C2CD3: variants seen among roughly 807,000 people sequenced by gnomAD.
The protein encoded by C2CD3 is C2 domain-containing protein 3.
In C2CD3, 148 loss-of-function variants were observed where a neutral mutation model predicts 234.0. The ratio of observed to expected loss-of-function variants is 0.63; its 90% confidence interval spans 0.55 to 0.72. The LOEUF is 0.72. Ranked by LOEUF, C2CD3 falls within the 30% of genes least tolerant of loss-of-function variation. C2CD3 has a pLI of 0.00. For synonymous variants in C2CD3, 1,000 were observed against 1,035.4 expected, an observed-to-expected ratio of 0.97 and a Z score of 0.66; for missense variants, 2,577 against 2,811.5, an observed-to-expected ratio of 0.92 and a Z score of 1.89.
At chr11:74,117,171 A>AAT (rs1156711287) in intron 9 of C2CD3, among the ~76,000 whole-genome samples, 2 of 24,338 alleles carry the variant, frequency 8.2e-5, no homozygotes, top group Non-Finnish European at 1.5e-4. Flanking sequence ...TATATATATG[A>AAT]ATATATATAT....
chr11:74,139,841 G>C lies in C2CD3; in HGVS notation c.484-13C>G. 1 of 1,523,230 alleles carries C rather than the reference G, an allele frequency of 6.6e-7. No homozygotes were observed. The highest frequency in any genetic ancestry group is 9.1e-7 in the Non-Finnish European group (1 of 1,097,634). The allele number at this position is 1,523,230 out of a possible 1,614,324, so 94.4% of individuals were successfully genotyped here. A position where few individuals can be genotyped will look rare whatever the true frequency, so the allele number is the denominator to read the frequency against. ...GGGCAAGTGAGACCTAAGAGAGACA[G>C]GTAGTATATGAGAAATTTTCTTTAG... On this transcript the variant is annotated splice_polypyrimidine_tract_variant and intron_variant, in intron 3 of 32. Coordinates refer to ENST00000334126, the MANE Select transcript of C2CD3 (RefSeq NM_001286577.2).
intron 3 of C2CD3, among the ~76,000 whole-genome samples, chr11:74,147,576 T>C (rs1300645268): frequency 6.6e-6 from 1 of 152,250 alleles, no homozygotes; most frequent in African/African-American, 2.4e-5. Flanking sequence ...TCCTGGTTTA[T>C]GTTGTCCAAG....
In C2CD3 at chr11:74,097,996, T is replaced by C. The variant is rs375213700; in HGVS notation, c.2979+13A>G. On this transcript the variant is annotated intron_variant, in intron 16 of 32. Transcript: ENST00000334126. ...TGAAATAATGACTTTTTGTAAACCA[T>C]AGCGTTTATTACCATAGCAACAGAT... 485 of 1,610,740 alleles carry C rather than the reference T, an allele frequency of 3.0e-4. No individual in the cohort carries two copies. The highest frequency in any genetic ancestry group is 3.8e-4 in the Non-Finnish European group (449 of 1,178,646).
chr11:74,014,693 C>G (rs985252082), intron 32 of C2CD3, among the ~76,000 whole-genome samples: 1 of 152,194 alleles, frequency 6.6e-6, no homozygotes, highest in African/African-American at 2.4e-5. Flanking sequence ...GAGTTAAGCC[C>G]TGGAGGCAGA....
intron 11 of C2CD3, among the ~76,000 whole-genome samples, chr11:74,111,981 C>T (rs61901234): frequency 1.3e-5 from 2 of 149,612 alleles, no homozygotes; most frequent in African/African-American, 4.9e-5. Context: ...TATATATATA[C>T]ACACACACAT....
At chr11:74,119,944 T>C (rs1007221804) in intron 8 of C2CD3, among the ~76,000 whole-genome samples, 5 of 152,124 alleles carry the variant, frequency 3.3e-5, no homozygotes, top group Admixed American at 3.3e-4. Flanking sequence ...ACAATACAAC[T>C]TTTAAAAGGC....
At chr11:74,100,404 C>CT in intron 15 of C2CD3, 121 bp downstream of exon 15, 1 of 891,646 alleles carries the variant, frequency 1.1e-6, no homozygotes, top group Non-Finnish European at 1.7e-6. Flanking sequence ...TCTGTTGAAA[C>CT]TGGAAAAAGT....
rs200638603 is a variant in C2CD3 at position 74,092,554 on chromosome 11, C to T, written c.3379G>A (p.Ala1127Thr). Residue 1127 changes from alanine to threonine, a missense_variant, in exon 19 of 33, where the codon GCC (alanine) becomes ACC (threonine). Coordinates refer to ENST00000334126, the MANE Select transcript of C2CD3 (RefSeq NM_001286577.2). Reference sequence around the variant, plus strand: ...CTTGATAATGGCAAGGTTCCTTTGGCGACCTTCTGGTCTCTCACATTAGGA... The same window carrying T: ...CTTGATAATGGCAAGGTTCCTTTGGTGACCTTCTGGTCTCTCACATTAGGA... ...YYPNVRDQKVAKGTLPLSRIC... is the reference protein window; with the variant it reads ...YYPNVRDQKVTKGTLPLSRIC... 1.7e-5 allele frequency: 28 copies of T among 1,613,748 alleles called. No individual in the cohort carries two copies. In the South Asian group the frequency reaches 2.5e-4, roughly 15 times the overall value.
chr11:74,062,203 T>C (rs546223779), intron 24 of C2CD3, among the ~76,000 whole-genome samples: 3 of 152,234 alleles, frequency 2.0e-5, no homozygotes, highest in Admixed American at 1.3e-4. Flanking sequence ...CTGTCAACAT[T>C]AGACAGATCA....
At chr11:74,103,777 A>C (rs1204308943) in intron 13 of C2CD3, 152 bp from the exon 14 acceptor site, 8 of 649,918 alleles carry the variant, frequency 1.2e-5, no homozygotes, top group Non-Finnish European at 2.1e-5. Context: ...ATGCATATAC[A>C]TTAACTTGCT....
chr11:74,137,687 C>T (rs912912982), intron 5 of C2CD3, among the ~76,000 whole-genome samples: 4 of 151,694 alleles, frequency 2.6e-5, no homozygotes, highest in Non-Finnish European at 4.4e-5. Context: ...TGAGTTCAAG[C>T]GATTCTCCTG....
chr11:74,105,884 C>T (rs967453872), intron 13 of C2CD3, among the ~76,000 whole-genome samples: 4 of 152,194 alleles, frequency 2.6e-5, no homozygotes, highest in African/African-American at 9.7e-5. Context: ...CATGCTTCAA[C>T]ATTCTTTCCT....
chr11:74,155,946 G>A (rs1855984224), intron 3 of C2CD3, among the ~76,000 whole-genome samples: 1 of 151,840 alleles, frequency 6.6e-6, no homozygotes, highest in South Asian at 2.1e-4. Context: ...TTCCAGACCA[G>A]CCTGGACAAC....
chr11:74,055,501 C>T (rs1193158404), intron 25 of C2CD3, among the ~76,000 whole-genome samples: 15 of 152,198 alleles, frequency 9.9e-5, no homozygotes, highest in Non-Finnish European at 1.5e-4. Context: ...TCCCCAAACA[C>T]CCCTGGGGAA....
In C2CD3 at chr11:74,027,015, GGTAA is replaced by G. The variant is rs1310072635; in HGVS notation, c.6921+1268_6921+1271del. 2.7e-4 allele frequency among the ~76,000 whole-genome samples: 41 copies of G among 151,762 alleles called. 1 individual carries two copies. Among genetic ancestry groups the G allele is most frequent in the Admixed American group, 2.7e-3 (41 of 15,222 alleles). ...TTCACTTACTGGTTGGGTGACCCTGGGTAAGTGACTCAGCCTTTAGGCATCTCAG... is the reference window on the plus strand; with the variant it reads ...TTCACTTACTGGTTGGGTGACCCTGGGTGACTCAGCCTTTAGGCATCTCAG... On this transcript the variant is annotated intron_variant, in intron 32 of 32. Transcript: ENST00000334126.
At chr11:74,048,128 AAG>A in intron 28 of C2CD3, 75 bp downstream of exon 28, 2 of 1,461,922 alleles carry the variant, frequency 1.4e-6, no homozygotes, top group Non-Finnish European at 9.3e-7. Context: ...TAATAAAGGA[AAG>A]AGAGAAATGA....
At chr11:74,029,455 T>C (rs1316714273) in intron 31 of C2CD3, among the ~76,000 whole-genome samples, 2 of 152,358 alleles carry the variant, frequency 1.3e-5, no homozygotes, top group East Asian at 1.9e-4. Flanking sequence ...AATGCATTGA[T>C]TTCTTGCTTT....
At chr11:74,105,499 G>A (rs1956483622) in intron 13 of C2CD3, among the ~76,000 whole-genome samples, 1 of 152,092 alleles carries the variant, frequency 6.6e-6, no homozygotes, top group East Asian at 1.9e-4. Context: ...TAGAACTCCT[G>A]AGCTCCGGCA....
In C2CD3 at chr11:74,085,858, G is replaced by A; in HGVS notation, c.3670C>T (p.Gln1224Ter). 2.5e-6 allele frequency: 4 copies of A among 1,613,740 alleles called. No individual in the cohort carries two copies. The highest frequency in any genetic ancestry group is 3.4e-6 in the Non-Finnish European group (4 of 1,179,674). The change falls in exon 21 of 33, where the codon CAG becomes TAG. Residue 1224 changes from glutamine (Q) to a stop codon, truncating the protein, a stop_gained. Coordinates refer to ENST00000334126, the MANE Select transcript of C2CD3 (RefSeq NM_001286577.2). LOFTEE classifies it high-confidence loss of function. ...TTGACCCCGACTGTGGCACTAAACT[G>A]TAGAGCGGGTTCCCGTTCAGCCAAA... is the stretch of plus-strand genomic sequence containing the variant. ...KALAEREPAL[Q>*]FSATVGVNAS...
Sources: gnomAD v4.1 joint callset for allele counts (sites outside exome capture counted in the v4.1 genomes callset) on GRCh38, gnomAD v4.1.1 for gene constraint, MANE v1.5 for transcripts, NCBI Gene and HGNC (gene_info 2026-07-23, HGNC 2026-07-21) for gene names.